MASP2: variants seen among roughly 807,000 people sequenced by gnomAD.
The protein encoded by MASP2 is MBL associated serine protease 2, also known as mannan-binding lectin serine protease 2.
MASP2 carries 49 observed loss-of-function variants against 57.1 expected under a neutral mutation model. The ratio of observed to expected loss-of-function variants is 0.86; its 90% CI spans 0.68 to 1.09. The LOEUF (loss-of-function observed/expected upper bound fraction) is 1.09, where lower values mean the gene tolerates loss of function less well. Ranked by LOEUF, MASP2 falls within the 50% of genes least tolerant of loss-of-function variation. The pLI is 0.00. For synonymous variants in MASP2, 379 were observed against 340.8 expected (o/e 1.11, Z -1.24); for missense variants, 900 against 874.8 (o/e 1.03, Z -0.36).
intron 7 of MASP2, among the ~76,000 whole-genome samples, chr1:11,037,432 A>G (rs574109211): frequency 6.6e-6 from 1 of 151,392 alleles, no homozygotes; most frequent in South Asian, 2.1e-4. Flanking sequence ...TAGCTTTAAA[A>G]CAAAGGGCTC....
Position 11,027,189 on chromosome 1 carries a change from A to G in MASP2, c.1757T>C (p.Met586Thr). Residue 586 changes from methionine to threonine, a missense_variant, in exon 11 of 11, where the codon ATG (methionine) becomes ACG (threonine). Transcript: ENST00000400897. The part of the protein sequence containing the change: ...TQRGFLARNL[M>T]YVDIPIVDHQ... ...GTCAACAATCGGTATGTCGACATAC[A>G]TTAGATTTCTAGCAAGAAAACCCCT... The G allele has an allele frequency of 1.9e-6, 3 of 1,614,220 alleles. No homozygotes were observed. The highest frequency in any genetic ancestry group is 1.7e-6 in the Non-Finnish European group (2 of 1,180,044).
At chr1:11,044,765 GA>G in intron 4 of MASP2, 71 of 720,944 alleles carry the variant, frequency 9.8e-5, no homozygotes, top group Non-Finnish European at 1.4e-4. Flanking sequence ...GCCGCCTCCC[GA>G]CCCTCCCACC....
intron 10 of MASP2, 149 bp downstream of exon 10, chr1:11,030,027 G>A (rs1433825442): frequency 3.4e-6 from 2 of 590,856 alleles, no homozygotes; most frequent in Non-Finnish European, 6.0e-6. Flanking sequence ...AGGGGGTAAT[G>A]AGAACATACT....
intron 8 of MASP2, among the ~76,000 whole-genome samples, chr1:11,033,596 G>C (rs1275137802): frequency 1.3e-5 from 2 of 151,996 alleles, no homozygotes. Context: ...AGTGAGCCAA[G>C]ATTGCACCAC....
At chr1:11,037,070 T>C (rs1435600878) in intron 7 of MASP2, among the ~76,000 whole-genome samples, 3 of 152,156 alleles carry the variant, frequency 2.0e-5, no homozygotes, top group African/African-American at 7.2e-5. Context: ...TATATTTTTT[T>C]GAGACAGAGT....
In MASP2 at chr1:11,046,667, G is replaced by A. The variant is rs142262498; in HGVS notation, c.301C>T (p.Pro101Ser). 1.2e-6 allele frequency: 2 copies of A among 1,613,584 alleles called. No individual in the cohort carries two copies. Among genetic ancestry groups the A allele is most frequent in the Non-Finnish European group, 1.7e-6 (2 of 1,180,030 alleles). ...GQESTDTERA[P>S]GKDTFYSLGS... is the part of the protein sequence containing the mutation. ...AGCGAGTAGAAAGTGTCCTTGCCAG[G>A]GGCCCGCTCCGTGTCTGTGCTCTCC... is the stretch of plus-strand genomic sequence containing the variant. Residue 101 changes from proline to serine, a missense_variant, in exon 3 of 11, where the codon CCT becomes TCT. Coordinates refer to ENST00000400897, the MANE Select transcript of MASP2 (RefSeq NM_006610.4).
chr1:11,033,888 G>T (rs2100881863), intron 8 of MASP2, among the ~76,000 whole-genome samples: 1 of 149,328 alleles, frequency 6.7e-6, no homozygotes, highest in South Asian at 2.1e-4. Flanking sequence ...AGCCGAGATT[G>T]TCACCGCACT....
intron 7 of MASP2, among the ~76,000 whole-genome samples, chr1:11,037,138 C>A (rs959362741): frequency 1.3e-5 from 2 of 152,138 alleles, no homozygotes; most frequent in Non-Finnish European, 2.9e-5. Flanking sequence ...CCGCAACCTG[C>A]GCCTCCCAGG....
At chr1:11,035,260 A>G (rs887172467) in intron 7 of MASP2, among the ~76,000 whole-genome samples, 2 of 152,140 alleles carry the variant, frequency 1.3e-5, no homozygotes, top group Admixed American at 6.5e-5. Context: ...GCGGTGGCTC[A>G]TGCCTGTAAT....
intron 6 of MASP2, among the ~76,000 whole-genome samples, chr1:11,041,754 G>GA (rs1557674680): frequency 0.067 from 52 of 780 alleles, no homozygotes; most frequent in South Asian, 0.071. Flanking sequence ...GGGTGGGTGG[G>GA]TGGATGGATG....
At chr1:11,033,117 G>A (rs564007370) in intron 8 of MASP2, among the ~76,000 whole-genome samples, 13 of 151,146 alleles carry the variant, frequency 8.6e-5, no homozygotes, top group Non-Finnish European at 1.5e-4. Flanking sequence ...TCCCCTGAGG[G>A]CGGGAGTTCG....
chr1:11,041,103 A>ATG, intron 6 of MASP2, among the ~76,000 whole-genome samples: 1 of 132,264 alleles, frequency 7.6e-6, no homozygotes, highest in African/African-American at 3.4e-5. Flanking sequence ...AGAAGGATGG[A>ATG]TAGATGGATG....
At chr1:11,044,938 G>C in intron 4 of MASP2, 5 of 1,609,384 alleles carry the variant, frequency 3.1e-6, no homozygotes, top group Non-Finnish European at 3.4e-6. Flanking sequence ...CTCCAGGGGA[G>C]GCTAGAGGCT....
chr1:11,042,446 G>A (rs1322612805), intron 6 of MASP2, among the ~76,000 whole-genome samples: 5 of 6,912 alleles, frequency 7.2e-4, no homozygotes, highest in Non-Finnish European at 2.0e-3. Context: ...ATGGATGAAC[G>A]GACGAAGGAT....
At chr1:11,034,420 G>A (rs1375057420) in intron 8 of MASP2, among the ~76,000 whole-genome samples, 1 of 150,392 alleles carries the variant, frequency 6.6e-6, no homozygotes, top group East Asian at 2.0e-4. Flanking sequence ...CCAAGGATCC[G>A]GGCACAGTGG....
Position 11,027,366 on chromosome 1 carries a change from G to A in MASP2, c.1580C>T (p.Ala527Val), listed in dbSNP as rs781048179. ...VFIHEGYTHD[A>V]GFDNDIALIK... Reference sequence around the variant, plus strand: ...CAGTGCTATGTCATTGTCAAAGCCAGCATCATGAGTATAACCTTCATGTAT... The same window carrying A: ...CAGTGCTATGTCATTGTCAAAGCCAACATCATGAGTATAACCTTCATGTAT... The change falls in exon 11 of 11, where the codon GCT becomes GTT. Residue 527 changes from alanine (A) to valine (V), a missense_variant. Ala to Val is a moderately conservative substitution (Grantham distance 64). Coordinates refer to ENST00000400897, the MANE Select transcript of MASP2 (RefSeq NM_006610.4). 4.3e-6 allele frequency: 7 copies of A among 1,614,052 alleles called. No homozygotes were observed. The Admixed American group carries it at 1.2e-4, about 27-fold the overall frequency.
At position 11,042,997 on chromosome 1, in the gene MASP2, C is replaced by T. The variant is rs1638507320; in HGVS notation, c.767G>A (p.Gly256Asp). 2.5e-6 allele frequency: 4 copies of T among 1,613,842 alleles called. No homozygotes were observed. The Admixed American group carries it at 5.0e-5, about 20-fold the overall frequency. Residue 256 changes from glycine (G) to aspartate (D), a missense_variant, in exon 6 of 11, where the codon GGC (glycine) becomes GAC (aspartate). Gly to Asp is a moderately conservative substitution (Grantham distance 94). Transcript: ENST00000400897. Reference sequence around the variant, plus strand: ...GGGCAATGTCTTCCCACAGAATGGGCCATGTTCTTCTCTGTCTGTTTGAAT... The same window carrying T: ...GGGCAATGTCTTCCCACAGAATGGGTCATGTTCTTCTCTGTCTGTTTGAAT... ...LKIQTDREEH[G>D]PFCGKTLPHR...
At chr1:11,029,355 T>G (rs779389725) in intron 10 of MASP2, among the ~76,000 whole-genome samples, 2 of 146,164 alleles carry the variant, frequency 1.4e-5, no homozygotes, top group African/African-American at 5.0e-5. Flanking sequence ...GAGCCGAGAT[T>G]GCGCCACTGC....
chr1:11,043,096 T>C, intron 5 of MASP2, 74 bp from the exon 6 acceptor site: 1 of 1,517,530 alleles, frequency 6.6e-7, no homozygotes, highest in Non-Finnish European at 9.0e-7. Context: ...GTAACCCACC[T>C]CCTCAGCATT....
Sources: gnomAD v4.1 joint callset for allele counts (sites outside exome capture counted in the v4.1 genomes callset) on GRCh38, gnomAD v4.1.1 for gene constraint, MANE v1.5 for transcripts, NCBI Gene and HGNC (gene_info 2026-07-23, HGNC 2026-07-21) for gene names.